IL1RAP: variants seen among roughly 807,000 people sequenced by gnomAD.
The protein encoded by IL1RAP is interleukin 1 receptor accessory protein, also known as interleukin-1 receptor accessory protein.
In IL1RAP, 35 loss-of-function variants were observed where a neutral mutation model predicts 60.7. That is an observed-to-expected ratio of 0.58 (90% confidence interval 0.44 to 0.76). IL1RAP has a LOEUF of 0.76. Ranked by LOEUF, IL1RAP falls within the 30% of genes least tolerant of loss-of-function variation. IL1RAP has a pLI of 0.00. For missense variants in IL1RAP, 572 were observed against 693.9 expected, an observed-to-expected ratio of 0.82 and a Z score of 1.97; for synonymous variants, 268 against 250.9, an observed-to-expected ratio of 1.07 and a Z score of -0.64.
intron 4 of IL1RAP, among the ~76,000 whole-genome samples, chr3:190,604,942 G>A (rs189795513): frequency 1.3e-5 from 2 of 152,182 alleles, no homozygotes; most frequent in East Asian, 1.9e-4. Flanking sequence ...TATGTGGTTC[G>A]CATTATCATT....
chr3:190,565,600 G>T (rs1174386214), intron 3 of IL1RAP, among the ~76,000 whole-genome samples: 1 of 152,146 alleles, frequency 6.6e-6, no homozygotes, highest in East Asian at 1.9e-4. Flanking sequence ...TTCTAGCCTT[G>T]TTGGCCCTTT....
At chr3:190,626,762 C>T (rs1732316175) in intron 7 of IL1RAP, among the ~76,000 whole-genome samples, 1 of 150,828 alleles carries the variant, frequency 6.6e-6, no homozygotes, top group Non-Finnish European at 1.5e-5. Context: ...CCTCCACCTC[C>T]TGAGTTCAAG....
intron 9 of IL1RAP, among the ~76,000 whole-genome samples, chr3:190,633,253 C>A (rs1732936677): frequency 6.6e-6 from 1 of 152,064 alleles, no homozygotes; most frequent in African/African-American, 2.4e-5. Flanking sequence ...TAGATCTTAA[C>A]TTTTTTCAGC....
rs765315863 is a variant in IL1RAP, at chr3:190,620,292, G to A, written c.555G>A (p.Gln185=). The A allele has an allele frequency of 1.6e-5, 25 of 1,540,918 alleles. No individual in the cohort carries two copies. The highest frequency in any genetic ancestry group is 1.7e-4 in the Middle Eastern group (1 of 5,720). ...TTTTCTAGGGCTGTTATAAAATACA[G>A]AATTTTAATAATGTAATACCCGAAG... ...ITWYMGCYKI[Q]NFNNVIPEGM... is the part of the protein sequence containing the mutation. The change falls in exon 6 of 12, where the codon CAG becomes CAA. Residue 185 remains glutamine (Q), a synonymous_variant. Coordinates refer to ENST00000447382, the MANE Select transcript of IL1RAP (RefSeq NM_002182.4).
chr3:190,658,122 A>G (rs1734675402), exon 12 of IL1RAP: 1 of 150,738 alleles, frequency 6.6e-6, no homozygotes, highest in South Asian at 2.2e-4. Flanking sequence ...ATTGAGCCCC[A>G]ATGTTGCCAT....
intron 1 of IL1RAP, among the ~76,000 whole-genome samples, chr3:190,526,976 G>A (rs1348062212): frequency 6.6e-6 from 1 of 152,210 alleles, no homozygotes; most frequent in African/African-American, 2.4e-5. Flanking sequence ...AACAGCATGA[G>A]AGCAAAAGGT....
At position 190,650,893 on chromosome 3, in the gene IL1RAP, A is replaced by G; in HGVS notation, c.*2188A>G. On this transcript the variant is annotated 3_prime_UTR_variant, in exon 12 of 12. Transcript: ENST00000447382. ...AGGACCATTCTCTTGCCAATGCTGCATTCCTTTTGCACTTTTGGATTCCAT... is the reference window on the plus strand; with the variant it reads ...AGGACCATTCTCTTGCCAATGCTGCGTTCCTTTTGCACTTTTGGATTCCAT... The G allele has an allele frequency of 1.0e-6, 1 of 985,444 alleles. No homozygotes were observed. Among genetic ancestry groups the G allele is most frequent in the Non-Finnish European group, 1.2e-6 (1 of 829,920 alleles). 61.0% of individuals were successfully genotyped at this position (985,444 alleles called of 1,614,324 possible).
chr3:190,548,769 A>G (rs561200198), intron 1 of IL1RAP, among the ~76,000 whole-genome samples: 1 of 152,300 alleles, frequency 6.6e-6, no homozygotes, highest in African/African-American at 2.4e-5. Flanking sequence ...TGCAGAAGGG[A>G]CCTGAGTCTT....
At chr3:190,555,237 C>T (rs955893575) in intron 1 of IL1RAP, among the ~76,000 whole-genome samples, 3 of 152,016 alleles carry the variant, frequency 2.0e-5, no homozygotes, top group African/African-American at 4.8e-5. Flanking sequence ...GATAATTTCA[C>T]CTAATTCCCT....
chr3:190,589,698 A>G (rs927814140), intron 3 of IL1RAP, among the ~76,000 whole-genome samples: 2 of 152,194 alleles, frequency 1.3e-5, no homozygotes, highest in African/African-American at 4.8e-5. Flanking sequence ...CGGGGAAGTT[A>G]GAAAGCTCCT....
intron 3 of IL1RAP, among the ~76,000 whole-genome samples, chr3:190,598,600 A>G (rs1190902143): frequency 6.6e-6 from 1 of 152,102 alleles, no homozygotes; most frequent in African/African-American, 2.4e-5. Context: ...AAAAAAATCA[A>G]AATAATTATA....
At chr3:190,656,233 G>A, downstream of IL1RAP, 1 of 1,537,220 alleles carries the variant, frequency 6.5e-7, no homozygotes, top group Non-Finnish European at 8.7e-7. Flanking sequence ...TTCCCAGTCT[G>A]ACATCAGTCT....
chr3:190,605,297 CCT>C (rs1472679456), intron 4 of IL1RAP, among the ~76,000 whole-genome samples: 1 of 91,598 alleles, frequency 1.1e-5, no homozygotes, highest in East Asian at 6.1e-4. Context: ...CTTCAGTATT[CCT>C]CTTTTTTTTT....
At chr3:190,654,473 CTT>C (rs149754681), downstream of IL1RAP, among the ~76,000 whole-genome samples, 4,479 of 152,264 alleles carry the variant, frequency 0.029, 198 homozygotes, top group African/African-American at 0.098. Flanking sequence ...AAATTTATCT[CTT>C]AAGAATGAAT....
chr3:190,585,812 C>CA (rs774184017), intron 3 of IL1RAP, among the ~76,000 whole-genome samples: 6 of 143,090 alleles, frequency 4.2e-5, no homozygotes, highest in African/African-American at 7.8e-5. Flanking sequence ...ACTCCAACTC[C>CA]AAAAAAAAAG....
At chr3:190,640,117 C>G (rs1363239850) in intron 9 of IL1RAP, among the ~76,000 whole-genome samples, 1 of 152,262 alleles carries the variant, frequency 6.6e-6, no homozygotes, top group African/African-American at 2.4e-5. Context: ...CAATCTGACT[C>G]AACAGCAGCC....
chr3:190,654,789 T>C (rs1734556520), downstream of IL1RAP, among the ~76,000 whole-genome samples: 1 of 152,218 alleles, frequency 6.6e-6, no homozygotes. Flanking sequence ...TTTTCAAAGT[T>C]ATAAATGGCT....
intron 3 of IL1RAP, among the ~76,000 whole-genome samples, chr3:190,594,108 A>C (rs1729179537): frequency 6.6e-6 from 1 of 152,188 alleles, no homozygotes; most frequent in African/African-American, 2.4e-5. Context: ...CAGCTGTTTA[A>C]ACTAATTCCT....
chr3:190,647,982 T>C (rs1734155552), intron 11 of IL1RAP, among the ~76,000 whole-genome samples: 1 of 152,206 alleles, frequency 6.6e-6, no homozygotes, highest in African/African-American at 2.4e-5. Flanking sequence ...GGCTAGACCA[T>C]AAGATGCCAC....
Sources: gnomAD v4.1 joint callset for allele counts (sites outside exome capture counted in the v4.1 genomes callset) on GRCh38, gnomAD v4.1.1 for gene constraint, MANE v1.5 for transcripts, NCBI Gene and HGNC (gene_info 2026-07-23, HGNC 2026-07-21) for gene names.